ASCC3: variants seen among roughly 807,000 people sequenced by gnomAD.
ASCC3 encodes activating signal cointegrator 1 complex subunit 3.
A neutral mutation model predicts 256.3 loss-of-function variants in ASCC3; 158 were observed. The observed-to-expected ratio is 0.62, with a 90% CI of 0.54 to 0.70. The LOEUF (loss-of-function observed/expected upper bound fraction) is 0.70, where lower values mean the gene tolerates loss of function less well. Among genes scored for constraint, ASCC3 ranks in the 30% least tolerant of loss-of-function variants. ASCC3 has a pLI of 0.00. For synonymous variants in ASCC3, 948 were observed against 883.4 expected (o/e 1.07, Z -1.30); for missense variants, 2,259 against 2,626.0 (o/e 0.86, Z 3.05).
At chr6:100,599,025 G>T (rs1212015015) in intron 34 of ASCC3, among the ~76,000 whole-genome samples, 1 of 152,126 alleles carries the variant, frequency 6.6e-6, no homozygotes, top group African/African-American at 2.4e-5. Flanking sequence ...AGTAGAGAAA[G>T]ATTTTTAGAG....
chr6:100,638,843 G>A (rs774299780), intron 24 of ASCC3, 22 bp from the exon 25 acceptor site: 1 of 1,586,658 alleles, frequency 6.3e-7, no homozygotes, highest in East Asian at 2.2e-5. Context: ...CAACAGGATG[G>A]CTATACGACA....
At chr6:100,804,559 T>C (rs965846244) in intron 5 of ASCC3, among the ~76,000 whole-genome samples, 31 of 151,844 alleles carry the variant, frequency 2.0e-4, no homozygotes, top group Non-Finnish European at 7.4e-5. Flanking sequence ...GGAACCTAAA[T>C]CAACAAGCAA....
chr6:100,835,411 T>C (rs1246862391), intron 4 of ASCC3, among the ~76,000 whole-genome samples: 2 of 152,168 alleles, frequency 1.3e-5, no homozygotes, highest in Non-Finnish European at 2.9e-5. Context: ...TCATTTCAGA[T>C]ATCAGTTAAG....
chr6:100,598,844 A>ATT (rs1372649235), intron 34 of ASCC3, among the ~76,000 whole-genome samples: 1 of 152,312 alleles, frequency 6.6e-6, no homozygotes, highest in East Asian at 1.9e-4. Context: ...TTTCTGATCA[A>ATT]TACTATCTGA....
intron 12 of ASCC3, 80 bp downstream of exon 12, chr6:100,717,995 T>C (rs1779163178): frequency 2.2e-6 from 3 of 1,392,342 alleles, no homozygotes; most frequent in Middle Eastern, 3.8e-4. Flanking sequence ...AATGGTCTTT[T>C]GGAGTCTCTA....
Position 100,650,623 on chromosome 6 carries a change from T to G in ASCC3, c.3167A>C (p.Lys1056Thr), listed in dbSNP as rs1400427559. Residue 1056 changes from lysine (K) to threonine (T), a missense_variant, in exon 20 of 42, where the codon AAA becomes ACA. Around this residue, in one of 2 missense-constraint regions of ASCC3, gnomAD observed 1,839 missense variants for 2,206.7 expected, o/e 0.83. Coordinates refer to ENST00000369162, the MANE Select transcript of ASCC3 (RefSeq NM_006828.4). ...ATAAGTTTGAAGTAAGATGTTTATT[T>G]TCCCATAACTATTCTCTACACCTCC... is the stretch of plus-strand genomic sequence containing the variant. ...TPGGVENSYG[K>T]INILLQTYIS... The G allele has an allele frequency of 6.2e-7, 1 of 1,612,706 alleles. No individual in the cohort carries two copies. The highest frequency in any genetic ancestry group is 1.3e-5 in the African/African-American group (1 of 74,822).
intron 36 of ASCC3, among the ~76,000 whole-genome samples, chr6:100,583,882 T>C (rs1386359073): frequency 6.6e-6 from 1 of 152,222 alleles, no homozygotes; most frequent in East Asian, 1.9e-4. Flanking sequence ...TCAGTTTCCA[T>C]GTAGTTGAGC....
At chr6:100,664,529 T>C (rs1161549560) in intron 14 of ASCC3, among the ~76,000 whole-genome samples, 1 of 152,016 alleles carries the variant, frequency 6.6e-6, no homozygotes, top group Non-Finnish European at 1.5e-5. Context: ...AAAATACATA[T>C]ATAAACATAA....
intron 12 of ASCC3, among the ~76,000 whole-genome samples, chr6:100,716,048 T>A (rs963114308): frequency 6.6e-6 from 1 of 151,780 alleles, no homozygotes; most frequent in African/African-American, 2.4e-5. Context: ...CTATTCAGAA[T>A]GCTTCTACAG....
At chr6:100,760,890 G>C (rs1781390370) in intron 10 of ASCC3, among the ~76,000 whole-genome samples, 1 of 152,104 alleles carries the variant, frequency 6.6e-6, no homozygotes, top group Non-Finnish European at 1.5e-5. Flanking sequence ...AATCCAAAAA[G>C]TAAAGGAGAA....
intron 10 of ASCC3, among the ~76,000 whole-genome samples, chr6:100,754,301 T>C (rs1405252928): frequency 6.6e-5 from 10 of 152,158 alleles, no homozygotes. Flanking sequence ...GAAATGCCAA[T>C]GCAACATAAA....
intron 7 of ASCC3, 66 bp from the exon 8 acceptor site, chr6:100,798,904 CT>C: frequency 7.2e-7 from 1 of 1,382,140 alleles, no homozygotes; most frequent in Non-Finnish European, 1.0e-6. Context: ...GGTAAATATT[CT>C]TTAGAGAGAG....
chr6:100,713,260 G>A (rs1057149040), intron 13 of ASCC3, among the ~76,000 whole-genome samples: 1 of 152,074 alleles, frequency 6.6e-6, no homozygotes, highest in Non-Finnish European at 1.5e-5. Context: ...TGAGCTACCA[G>A]GCCATGAAAA....
At chr6:100,624,379 AAT>A (rs1457934575) in intron 30 of ASCC3, among the ~76,000 whole-genome samples, 1 of 151,660 alleles carries the variant, frequency 6.6e-6, no homozygotes, top group East Asian at 1.9e-4. Flanking sequence ...ACAACTAGTA[AAT>A]ATATGAAAAA....
intron 10 of ASCC3, among the ~76,000 whole-genome samples, chr6:100,756,911 T>C (rs1287764524): frequency 1.3e-5 from 2 of 152,076 alleles, no homozygotes; most frequent in Non-Finnish European, 2.9e-5. Context: ...TCTTTTAAAA[T>C]GTACAAGACC....
At chr6:100,821,897 T>TA (rs35171150) in intron 4 of ASCC3, among the ~76,000 whole-genome samples, 12 of 151,576 alleles carry the variant, frequency 7.9e-5, no homozygotes, top group South Asian at 2.1e-4. Flanking sequence ...TTTTGCTAAG[T>TA]AAAAAAAACA....
At chr6:100,660,905 ACTT>A (rs1776161390) in intron 16 of ASCC3, among the ~76,000 whole-genome samples, 1 of 151,594 alleles carries the variant, frequency 6.6e-6, no homozygotes, top group Admixed American at 6.6e-5. Context: ...TGGAATATAC[ACTT>A]CTTAATAGAG....
At chr6:100,726,678 TAAG>T (rs1424640076) in intron 10 of ASCC3, among the ~76,000 whole-genome samples, 2 of 152,046 alleles carry the variant, frequency 1.3e-5, no homozygotes, top group Non-Finnish European at 2.9e-5. Context: ...TTCAGCACAG[TAAG>T]AAGTGGCTTC....
chr6:100,774,490 T>C (rs896746710), intron 8 of ASCC3, among the ~76,000 whole-genome samples: 1 of 151,950 alleles, frequency 6.6e-6, no homozygotes, highest in Middle Eastern at 3.4e-3. Context: ...CTCAGTCTCC[T>C]GAGTAGCTGA....
Sources: gnomAD v4.1 joint callset for allele counts (sites outside exome capture counted in the v4.1 genomes callset) on GRCh38, gnomAD v4.1.1 for gene constraint, gnomAD v4.1.1 regional missense constraint, MANE v1.5 for transcripts, NCBI Gene and HGNC (gene_info 2026-07-23, HGNC 2026-07-21) for gene names.